Variants in RFFL observed in about 807,000 individuals in gnomAD.
RFFL encodes the protein ring finger and FYVE like domain containing E3 ubiquitin protein ligase, also known as E3 ubiquitin-protein ligase rififylin.
Under a neutral mutation model 40.4 loss-of-function variants are expected in RFFL, and 16 were observed. That is an observed-to-expected ratio of 0.40 (90% CI 0.27 to 0.60). RFFL has a LOEUF of 0.60. RFFL is among the 20% of genes least tolerant of loss of function. The pLI is 0.47. For synonymous variants in RFFL, 154 were observed against 167.9 expected (o/e 0.92, Z 0.64); for missense variants, 367 against 451.7 (o/e 0.81, Z 1.70).
intron 1 of RFFL, among the ~76,000 whole-genome samples, chr17:35,086,514 G>T (rs1157689708): frequency 1.3e-5 from 2 of 150,020 alleles, no homozygotes; most frequent in Admixed American, 6.7e-5. Context: ...CTTTACAATT[G>T]CCAAAATCTT....
intron 1 of RFFL, among the ~76,000 whole-genome samples, chr17:35,084,639 C>T (rs917484029): frequency 5.3e-5 from 8 of 151,376 alleles, no homozygotes; most frequent in Admixed American, 1.3e-4. Context: ...CCTATAATCC[C>T]AGCACTTTGG....
At chr17:35,075,786 G>A (rs771069108) in intron 1 of RFFL, among the ~76,000 whole-genome samples, 2 of 151,942 alleles carry the variant, frequency 1.3e-5, no homozygotes, top group African/African-American at 4.8e-5. Flanking sequence ...TTCACAAAAG[G>A]CTTCTAAAAA....
intron 1 of RFFL, among the ~76,000 whole-genome samples, chr17:35,040,896 G>A (rs1182238117): frequency 7.3e-6 from 1 of 136,796 alleles, no homozygotes; most frequent in African/African-American, 2.7e-5. Flanking sequence ...GTGTGTGTGA[G>A]GGAGAGAGAG....
At chr17:35,050,711 A>G (rs1301062141) in intron 1 of RFFL, among the ~76,000 whole-genome samples, 1 of 152,140 alleles carries the variant, frequency 6.6e-6, no homozygotes, top group Non-Finnish European at 1.5e-5. Context: ...GCCAGGCACA[A>G]TGGCACATGC....
At chr17:35,030,951 T>C (rs910698103) in intron 1 of RFFL, among the ~76,000 whole-genome samples, 1 of 152,058 alleles carries the variant, frequency 6.6e-6, no homozygotes, top group Admixed American at 6.5e-5. Context: ...TATATAAACA[T>C]TAGTTGTTGT....
intron 1 of RFFL, among the ~76,000 whole-genome samples, chr17:35,051,342 G>A (rs1307597538): frequency 1.3e-5 from 2 of 152,126 alleles, no homozygotes; most frequent in Admixed American, 6.5e-5. Context: ...ACAGGCACAC[G>A]AGTTACAGCA....
At chr17:35,027,950 T>TTAAAAAA (rs1567703950) in intron 1 of RFFL, among the ~76,000 whole-genome samples, 1 of 151,960 alleles carries the variant, frequency 6.6e-6, no homozygotes, top group African/African-American at 2.4e-5. Context: ...GGAGAATTGC[T>TTAAAAAA]TGAACTCATG....
chr17:35,073,259 G>A (rs1367379530), intron 1 of RFFL, among the ~76,000 whole-genome samples: 3 of 151,880 alleles, frequency 2.0e-5, no homozygotes, highest in South Asian at 2.1e-4. Flanking sequence ...TATTTTTATC[G>A]AGCCTCACCA....
chr17:35,046,996 C>T (rs2091203570), intron 1 of RFFL, among the ~76,000 whole-genome samples: 2 of 152,190 alleles, frequency 1.3e-5, no homozygotes, highest in Non-Finnish European at 2.9e-5. Context: ...AATGGACCTG[C>T]AGTTTAATTA....
intron 1 of RFFL, among the ~76,000 whole-genome samples, chr17:35,037,578 G>GTGTTATCTCA (rs2091131742): frequency 6.6e-6 from 1 of 152,208 alleles, no homozygotes; most frequent in Non-Finnish European, 1.5e-5. Flanking sequence ...CTTTTACCTA[G>GTGTTATCTCA]TGTTATCTCA....
In RFFL at chr17:35,011,564, G is replaced by A. The variant is rs903304941; in HGVS notation, c.*404C>T. ...TTAAATCCGAATGTGCTGGGGAGGAGGACTTCTGATTGATGAAACACATGG... is the reference window on the plus strand; with the variant it reads ...TTAAATCCGAATGTGCTGGGGAGGAAGACTTCTGATTGATGAAACACATGG... On this transcript the variant is annotated 3_prime_UTR_variant, in exon 7 of 7. Coordinates refer to ENST00000394597, the MANE Select transcript of RFFL (RefSeq NM_001017368.2). 4.6e-5 allele frequency: 8 copies of A among 172,610 alleles called. No homozygotes were observed. The highest frequency in any genetic ancestry group is 1.9e-4 in the African/African-American group (8 of 42,176). The allele number at this position is 172,610 out of a possible 1,614,324, so 10.7% of individuals were successfully genotyped here.
At chr17:35,061,177 T>C (rs1044601572) in intron 1 of RFFL, among the ~76,000 whole-genome samples, 2 of 152,084 alleles carry the variant, frequency 1.3e-5, no homozygotes, top group African/African-American at 4.8e-5. Flanking sequence ...AGGGAACAAA[T>C]GGCACCTTAA....
At chr17:35,081,658 A>G (rs28709604) in intron 1 of RFFL, among the ~76,000 whole-genome samples, 2,951 of 152,308 alleles carry the variant, frequency 0.019, 93 homozygotes, top group African/African-American at 0.066. Flanking sequence ...GGAAAGTTGA[A>G]TAAGACATCT....
In RFFL at chr17:35,016,561, C is replaced by A; in HGVS notation, c.695G>T (p.Ser232Ile). 1 of 1,614,094 alleles carries A rather than the reference C, an allele frequency of 6.2e-7. No individual in the cohort carries two copies. The highest frequency in any genetic ancestry group is 8.5e-7 in the Non-Finnish European group (1 of 1,179,930). ...DETQSIDSED[S>I]FVPGRRASLS... ...AGAGGCCCTTCGGCCTGGGACAAAG[C>A]TGTCCTCTGAGTCAATAGACTGCAA... The change falls in exon 5 of 7, where the codon AGC becomes ATC. Residue 232 changes from serine to isoleucine, a missense_variant. Physicochemically the swap from Ser to Ile is moderately radical, Grantham distance 142 (BLOSUM62 -2). Coordinates refer to ENST00000394597, the MANE Select transcript of RFFL (RefSeq NM_001017368.2).
At chr17:35,038,286 CAAAAAAAAAAAAA>C (rs33952696) in intron 1 of RFFL, among the ~76,000 whole-genome samples, 2 of 99,338 alleles carry the variant, frequency 2.0e-5, no homozygotes, top group Non-Finnish European at 4.1e-5. Context: ...AAAACTGTCT[CAAAAAAAAAAAAA>C]AAAAAAAGGA....
intron 1 of RFFL, among the ~76,000 whole-genome samples, chr17:35,054,914 C>T (rs2142361025): frequency 6.6e-6 from 1 of 151,320 alleles, no homozygotes. Flanking sequence ...AACACCGATC[C>T]AACAGCTTTT....
intron 1 of RFFL, among the ~76,000 whole-genome samples, chr17:35,052,978 C>G (rs1005378401): frequency 6.6e-5 from 10 of 152,220 alleles, no homozygotes; most frequent in Non-Finnish European, 1.2e-4. Flanking sequence ...CAAGGGTACT[C>G]AAGTAGGAAA....
chr17:35,088,988 CCA>C (rs1313889991), intron 1 of RFFL: 1 of 152,496 alleles, frequency 6.6e-6, no homozygotes. Context: ...AGGCCGCGCC[CCA>C]CACAGAGGAA....
intron 2 of RFFL, among the ~76,000 whole-genome samples, chr17:35,024,111 A>G (rs2091026738): frequency 1.3e-5 from 2 of 152,160 alleles, no homozygotes; most frequent in African/African-American, 4.8e-5. Flanking sequence ...GGGTGTACTG[A>G]GATATCCAGC....
Sources: gnomAD v4.1 joint callset for allele counts (sites outside exome capture counted in the v4.1 genomes callset) on GRCh38, gnomAD v4.1.1 for gene constraint, MANE v1.5 for transcripts, NCBI Gene and HGNC (gene_info 2026-07-23, HGNC 2026-07-21) for gene names.